Variants in LPP observed in about 807,000 individuals in gnomAD.
The protein encoded by LPP is lipoma-preferred partner.
In LPP, 38 loss-of-function variants were observed where a neutral mutation model predicts 60.4. That is an observed-to-expected ratio of 0.63 (90% confidence interval 0.49 to 0.83). The LOEUF is 0.83. Among genes scored for constraint, LPP ranks in the 40% least tolerant of loss-of-function variants. LPP has a pLI of 0.00. For missense variants in LPP, 902 were observed against 783.6 expected, an observed-to-expected ratio of 1.15 and a Z score of -1.80; for synonymous variants, 328 against 290.8, an observed-to-expected ratio of 1.13 and a Z score of -1.30.
intron 7 of LPP, among the ~76,000 whole-genome samples, chr3:188,677,495 A>G (rs544829410): frequency 6.6e-6 from 1 of 152,316 alleles, no homozygotes; most frequent in African/African-American, 2.4e-5. Context: ...TGGAAGTTGA[A>G]TAAGATTGAA....
intron 1 of LPP, among the ~76,000 whole-genome samples, chr3:188,198,623 T>C (rs1730192108): frequency 6.6e-6 from 1 of 152,252 alleles, no homozygotes; most frequent in Non-Finnish European, 1.5e-5. Context: ...AGAGGTAGCA[T>C]CACCTCCTCA....
At chr3:188,685,973 A>G (rs141554911) in intron 7 of LPP, among the ~76,000 whole-genome samples, 1 of 152,160 alleles carries the variant, frequency 6.6e-6, no homozygotes, top group Non-Finnish European at 1.5e-5. Context: ...GATGTAGTCA[A>G]GGCGCTTCCC....
At chr3:188,222,580 G>A (rs1716199372) in intron 1 of LPP, among the ~76,000 whole-genome samples, 1 of 152,100 alleles carries the variant, frequency 6.6e-6, no homozygotes, top group Non-Finnish European at 1.5e-5. Context: ...ATGGCTTCTA[G>A]AAATCCTTTC....
At chr3:188,418,611 A>G (rs1335396845) in intron 4 of LPP, among the ~76,000 whole-genome samples, 1 of 152,094 alleles carries the variant, frequency 6.6e-6, no homozygotes, top group Non-Finnish European at 1.5e-5. Context: ...TTCCATCATT[A>G]TTTTCCCGAA....
At chr3:188,397,094 T>A (rs2148760039) in intron 3 of LPP, among the ~76,000 whole-genome samples, 1 of 152,318 alleles carries the variant, frequency 6.6e-6, no homozygotes, top group South Asian at 2.1e-4. Flanking sequence ...GAGAAATTGT[T>A]TACTTCTGTG....
intron 1 of LPP, among the ~76,000 whole-genome samples, chr3:188,183,718 C>G (rs1468858360): frequency 6.6e-6 from 1 of 150,812 alleles, no homozygotes; most frequent in Non-Finnish European, 1.5e-5. Context: ...TTCCCGTAAT[C>G]CTGTAACAGC....
chr3:188,573,106 CA>C, intron 6 of LPP, among the ~76,000 whole-genome samples: 1 of 152,160 alleles, frequency 6.6e-6, no homozygotes, highest in Non-Finnish European at 1.5e-5. Flanking sequence ...TAGTACCAGG[CA>C]CTGTTGTAAG....
chr3:188,666,674 A>G (rs932434980), intron 7 of LPP, among the ~76,000 whole-genome samples: 1 of 152,240 alleles, frequency 6.6e-6, no homozygotes, highest in Non-Finnish European at 1.5e-5. Flanking sequence ...ACAGTCACTC[A>G]TCAAATACTT....
intron 9 of LPP, among the ~76,000 whole-genome samples, chr3:188,809,584 T>A (rs1750255712): frequency 6.6e-6 from 1 of 152,186 alleles, no homozygotes; most frequent in South Asian, 2.1e-4. Flanking sequence ...ATGTTAGACG[T>A]TTGTCAGATG....
chr3:188,817,498 T>A (rs1324071064), intron 9 of LPP, among the ~76,000 whole-genome samples: 4 of 152,212 alleles, frequency 2.6e-5, no homozygotes, highest in South Asian at 4.1e-4. Flanking sequence ...AAACTGGATG[T>A]CTCTTCTGCA....
intron 4 of LPP, among the ~76,000 whole-genome samples, chr3:188,439,725 T>C (rs1793296035): frequency 6.6e-6 from 1 of 152,250 alleles, no homozygotes; most frequent in South Asian, 2.1e-4. Flanking sequence ...GTGTAGTAGA[T>C]ACCATCATAG....
At chr3:188,662,788 G>A (rs190038397) in intron 7 of LPP, among the ~76,000 whole-genome samples, 42 of 152,266 alleles carry the variant, frequency 2.8e-4, no homozygotes, top group Middle Eastern at 3.4e-3. Flanking sequence ...GCACACATTC[G>A]TGAATTTCTC....
At chr3:188,371,592 A>C (rs1408958696) in intron 3 of LPP, among the ~76,000 whole-genome samples, 8 of 136,066 alleles carry the variant, frequency 5.9e-5, no homozygotes, top group African/African-American at 2.2e-4. Flanking sequence ...TAGGTGCCAC[A>C]GAGGAAAGAC....
intron 9 of LPP, among the ~76,000 whole-genome samples, chr3:188,862,748 GAAAAGAAAGAAAGA>G (rs1765559434): frequency 9.4e-6 from 1 of 106,278 alleles, no homozygotes; most frequent in African/African-American, 3.9e-5. Context: ...AAAGAAAAAA[GAAAAGAAAGAAAGA>G]AAAAGAAAGA....
At chr3:188,608,769 A>G (rs1420874770) in intron 6 of LPP, among the ~76,000 whole-genome samples, 2 of 152,188 alleles carry the variant, frequency 1.3e-5, no homozygotes, top group South Asian at 2.1e-4. Context: ...TAGGATATAC[A>G]TTCTAACAAT....
chr3:188,843,569 C>T (rs6797761), intron 9 of LPP, among the ~76,000 whole-genome samples: 1 of 150,764 alleles, frequency 6.6e-6, no homozygotes, highest in African/African-American at 2.4e-5. Flanking sequence ...GGGCGGATCA[C>T]GAGGTCAGGA....
At chr3:188,831,057 T>G (rs1757018787) in intron 9 of LPP, among the ~76,000 whole-genome samples, 1 of 152,196 alleles carries the variant, frequency 6.6e-6, no homozygotes, top group African/African-American at 2.4e-5. Context: ...TAGGCTGAAT[T>G]ATAAAGCTAA....
chr3:188,175,862 A>C (rs1467598471), intron 1 of LPP, among the ~76,000 whole-genome samples: 3 of 151,808 alleles, frequency 2.0e-5, no homozygotes. Flanking sequence ...TTTTAAATAT[A>C]GTGACAGAAT....
In LPP at chr3:188,193,229, G is replaced by A. The variant is rs182673425; in HGVS notation, c.-189-32176G>A. Among the ~76,000 whole-genome samples the A allele has an allele frequency of 9.2e-5, 14 of 152,158 alleles. No homozygotes were observed. In the East Asian group the frequency reaches 1.5e-3, roughly 17 times the overall value. On this transcript the variant is annotated intron_variant, in intron 1 of 11. Coordinates refer to ENST00000617246, the MANE Select transcript of LPP (RefSeq NM_001375462.1). ...TATTACTGTACAAGAAGAAGTTGGC[G>A]TTCTGGTACCTCCCCTCCCTCAACC...
Sources: gnomAD v4.1 joint callset for allele counts (sites outside exome capture counted in the v4.1 genomes callset) on GRCh38, gnomAD v4.1.1 for gene constraint, MANE v1.5 for transcripts, NCBI Gene and HGNC (gene_info 2026-07-23, HGNC 2026-07-21) for gene names.